The following GRM5 variants were observed in gnomAD, a reference collection of about 807,000 sequenced individuals.
GRM5 encodes the protein metabotropic glutamate receptor 5.
GRM5 carries 19 observed loss-of-function variants against 83.1 expected under a neutral mutation model. That is an observed-to-expected ratio of 0.23 (90% CI 0.16 to 0.34). The LOEUF (loss-of-function observed/expected upper bound fraction) is 0.34. Ranked by LOEUF, GRM5 falls within the 10% of genes least tolerant of loss-of-function variation. The pLI is 1.00. For synonymous variants in GRM5, 675 were observed against 633.6 expected (o/e 1.07, Z -0.98); for missense variants, 1,160 against 1,588.3 (o/e 0.73, Z 4.58).
At chr11:88,899,447 A>G (rs1302287100) in intron 2 of GRM5, among the ~76,000 whole-genome samples, 1 of 152,050 alleles carries the variant, frequency 6.6e-6, no homozygotes, top group African/African-American at 2.4e-5. Context: ...TAATTCTGGA[A>G]GAAAATAATT....
At chr11:88,640,738 G>T (rs940716098) in intron 4 of GRM5, among the ~76,000 whole-genome samples, 1 of 152,078 alleles carries the variant, frequency 6.6e-6, no homozygotes, top group African/African-American at 2.4e-5. Flanking sequence ...CATTATAAAA[G>T]ATATTACAAA....
intron 8 of GRM5, among the ~76,000 whole-genome samples, chr11:88,534,241 C>T (rs541585896): frequency 1.3e-5 from 2 of 152,282 alleles, no homozygotes; most frequent in South Asian, 2.1e-4. Flanking sequence ...CCTCCAGACG[C>T]CAGAATGTAG....
rs1212632419 is a variant in GRM5, at chr11:88,774,211, GCAAC to G, written c.911+75691_911+75694del. 3.0e-4 allele frequency among the ~76,000 whole-genome samples: 46 copies of G among 152,106 alleles called. 1 individual carries two copies. The highest frequency in any genetic ancestry group is 2.6e-3 in the Admixed American group (40 of 15,258). On this transcript the variant is annotated intron_variant, in intron 3 of 9. Coordinates refer to ENST00000305447, the MANE Select transcript of GRM5 (RefSeq NM_001143831.3). Reference sequence around the variant, plus strand: ...TCCTAGGCATTTTATTCCCTTTGTAGCAACTGTGAATGGGAGTTCACACATGATT... The same window carrying G: ...TCCTAGGCATTTTATTCCCTTTGTAGTGTGAATGGGAGTTCACACATGATT...
At chr11:88,795,809 T>C (rs1284822324) in intron 3 of GRM5, among the ~76,000 whole-genome samples, 1 of 152,188 alleles carries the variant, frequency 6.6e-6, no homozygotes, top group Admixed American at 6.6e-5. Context: ...GTGGGTATCA[T>C]AGTGGATCCC....
chr11:88,524,502 G>A (rs1941813636), intron 9 of GRM5, among the ~76,000 whole-genome samples: 2 of 151,472 alleles, frequency 1.3e-5, no homozygotes, highest in South Asian at 4.2e-4. Context: ...ACAGGCGTGA[G>A]CCAATGCGCC....
intron 4 of GRM5, among the ~76,000 whole-genome samples, chr11:88,644,034 C>A (rs1313194159): frequency 2.0e-5 from 3 of 152,162 alleles, no homozygotes; most frequent in Admixed American, 1.3e-4. Flanking sequence ...AATATAAACT[C>A]TTTGAATGTG....
chr11:88,741,038 C>G (rs370672422), intron 3 of GRM5, among the ~76,000 whole-genome samples: 3 of 152,060 alleles, frequency 2.0e-5, no homozygotes, highest in African/African-American at 7.2e-5. Context: ...GATAGAAGAA[C>G]AGCTTTACCT....
intron 3 of GRM5, among the ~76,000 whole-genome samples, chr11:88,777,794 G>A (rs1363979041): frequency 6.6e-6 from 1 of 152,156 alleles, no homozygotes; most frequent in African/African-American, 2.4e-5. Context: ...TTGCAGAACA[G>A]CAAATATTGC....
At chr11:88,986,575 G>T (rs764885399) in intron 2 of GRM5, among the ~76,000 whole-genome samples, 4 of 151,676 alleles carry the variant, frequency 2.6e-5, no homozygotes, top group Non-Finnish European at 5.9e-5. Flanking sequence ...AAGTTGTATG[G>T]GTCCCTTACA....
At chr11:88,661,383 C>T (rs184054378) in intron 3 of GRM5, among the ~76,000 whole-genome samples, 185 of 152,178 alleles carry the variant, frequency 1.2e-3, no homozygotes, top group African/African-American at 4.2e-3. Context: ...TTGATTCCCC[C>T]GTGCAGAATG....
chr11:88,742,034 C>T (rs757336080), intron 3 of GRM5, among the ~76,000 whole-genome samples: 26 of 151,870 alleles, frequency 1.7e-4, no homozygotes, highest in Non-Finnish European at 3.1e-4. Context: ...TGTTCAGCTG[C>T]GGTGAAGTGG....
chr11:88,791,113 C>CCTT (rs1943165083), intron 3 of GRM5, among the ~76,000 whole-genome samples: 2 of 152,238 alleles, frequency 1.3e-5, no homozygotes. Context: ...AAACCAGTAG[C>CCTT]ATGAACAGGA....
chr11:88,952,607 A>G (rs1045658290), intron 2 of GRM5, among the ~76,000 whole-genome samples: 6 of 137,330 alleles, frequency 4.4e-5, no homozygotes, highest in African/African-American at 1.7e-4. Flanking sequence ...TAAGTTAAAA[A>G]GGTGAATGCA....
intron 2 of GRM5, among the ~76,000 whole-genome samples, chr11:88,912,974 A>G (rs58194350): frequency 0.068 from 10,309 of 152,194 alleles, 561 homozygotes; most frequent in African/African-American, 0.15. Flanking sequence ...GCTTGATTCA[A>G]TCCTCCCTGT....
intron 2 of GRM5, among the ~76,000 whole-genome samples, chr11:89,016,672 T>C (rs942947767): frequency 6.6e-6 from 1 of 152,158 alleles, no homozygotes; most frequent in Non-Finnish European, 1.5e-5. Context: ...CAGTAAGCCA[T>C]TATGATGTGG....
chr11:88,951,793 T>C (rs1244104976), intron 2 of GRM5, among the ~76,000 whole-genome samples: 1 of 152,224 alleles, frequency 6.6e-6, no homozygotes, highest in African/African-American at 2.4e-5. Context: ...AATGTCATCA[T>C]AGTTACTAAT....
intron 4 of GRM5, among the ~76,000 whole-genome samples, chr11:88,636,752 T>C (rs1249678752): frequency 6.6e-6 from 1 of 152,192 alleles, no homozygotes; most frequent in Non-Finnish European, 1.5e-5. Context: ...AGGGATCCAG[T>C]TTCAGCTTTC....
intron 6 of GRM5, among the ~76,000 whole-genome samples, chr11:88,595,866 G>A (rs1937785295): frequency 6.6e-6 from 1 of 152,188 alleles, no homozygotes; most frequent in East Asian, 1.9e-4. Context: ...TTTGAAAGCA[G>A]AAATTCTCCA....
intron 3 of GRM5, among the ~76,000 whole-genome samples, chr11:88,841,054 G>A (rs1174204264): frequency 6.6e-6 from 1 of 152,086 alleles, no homozygotes; most frequent in African/African-American, 2.4e-5. Flanking sequence ...GATAAGAAAA[G>A]TCATGATCAT....
Sources: gnomAD v4.1 joint callset for allele counts (sites outside exome capture counted in the v4.1 genomes callset) on GRCh38, gnomAD v4.1.1 for gene constraint, MANE v1.5 for transcripts, NCBI Gene and HGNC (gene_info 2026-07-23, HGNC 2026-07-21) for gene names.